Variants in HYDIN observed in about 807,000 individuals in gnomAD.
HYDIN encodes HYDIN axonemal central pair apparatus protein, also known as axonemal central pair apparatus protein HYDIN.
Under a neutral mutation model 403.9 loss-of-function variants are expected in HYDIN, and 132 were observed. The observed-to-expected ratio is 0.33, with a 90% CI of 0.28 to 0.38. The LOEUF (loss-of-function observed/expected upper bound fraction) is 0.38, where lower values mean the gene tolerates loss of function less well. Ranked by LOEUF, HYDIN falls within the 10% of genes least tolerant of loss-of-function variation. The probability of loss-of-function intolerance (pLI) is 1.00; values close to 1 mark genes in which losing one functional copy is unlikely to be tolerated. For missense variants in HYDIN, 2,827 were observed against 5,009.5 expected (o/e 0.56, Z 13.15); for synonymous variants, 1,202 against 1,891.7 (o/e 0.64, Z 9.46).
At chr16:71,189,059 T>C (rs1472961982) in intron 1 of HYDIN, among the ~76,000 whole-genome samples, 1 of 152,214 alleles carries the variant, frequency 6.6e-6, no homozygotes, top group African/African-American at 2.4e-5. Context: ...ACATTATCCT[T>C]TTTGATTATA....
At chr16:71,051,706 G>A (rs543760349) in intron 18 of HYDIN, among the ~76,000 whole-genome samples, 5 of 151,434 alleles carry the variant, frequency 3.3e-5, no homozygotes, top group African/African-American at 9.7e-5. Flanking sequence ...TCATTAATGT[G>A]AGGAATAACA....
intron 84 of HYDIN, among the ~76,000 whole-genome samples, chr16:70,812,865 C>A (rs2035592800): frequency 6.6e-6 from 1 of 152,140 alleles, no homozygotes; most frequent in African/African-American, 2.4e-5. Context: ...CATATGATAC[C>A]AGGGGCTGAC....
At chr16:71,069,218 T>C (rs1203900738) in intron 14 of HYDIN, 49 bp downstream of exon 14, 1 of 1,500,580 alleles carries the variant, frequency 6.7e-7, no homozygotes, top group Non-Finnish European at 9.0e-7. Context: ...ATGACTATTT[T>C]GAAGGCTCAG....
At chr16:71,219,967 G>GT (rs2144755411) in intron 1 of HYDIN, among the ~76,000 whole-genome samples, 1 of 152,266 alleles carries the variant, frequency 6.6e-6, no homozygotes, top group South Asian at 2.1e-4. Context: ...GTGGTTCAGC[G>GT]TATTTCGGTC....
chr16:71,078,757 C>T (rs150641252), intron 13 of HYDIN, among the ~76,000 whole-genome samples: 18 of 152,320 alleles, frequency 1.2e-4, no homozygotes, highest in Admixed American at 5.9e-4. Flanking sequence ...CCTCCCGCCT[C>T]GCCCTCCCAA....
intron 3 of HYDIN, among the ~76,000 whole-genome samples, chr16:71,181,059 G>A (rs1597967000): frequency 6.6e-6 from 1 of 151,936 alleles, no homozygotes; most frequent in East Asian, 1.9e-4. Flanking sequence ...ATTGTTTTAA[G>A]GAATTAAGGA....
At chr16:70,856,794 G>A (rs933372050) in intron 72 of HYDIN, among the ~76,000 whole-genome samples, 2 of 152,138 alleles carry the variant, frequency 1.3e-5, no homozygotes, top group African/African-American at 2.4e-5. Flanking sequence ...TATGTGTATC[G>A]GTAAAATACA....
chr16:71,199,600 G>T (rs2087883141), intron 1 of HYDIN, among the ~76,000 whole-genome samples: 1 of 152,140 alleles, frequency 6.6e-6, no homozygotes, highest in Admixed American at 6.5e-5. Flanking sequence ...GCCTTCTAAA[G>T]CCTTGAAGCA....
At chr16:70,921,690 C>A (rs1231099171) in intron 45 of HYDIN, among the ~76,000 whole-genome samples, 3 of 152,112 alleles carry the variant, frequency 2.0e-5, no homozygotes, top group African/African-American at 7.2e-5. Flanking sequence ...ACATTAATAC[C>A]TACTCCAGAG....
chr16:71,121,859 T>C (rs1172706121), intron 9 of HYDIN, among the ~76,000 whole-genome samples: 3 of 151,940 alleles, frequency 2.0e-5, no homozygotes, highest in African/African-American at 4.8e-5. Flanking sequence ...AACAGAAAAA[T>C]AGAAGCTAAA....
intron 13 of HYDIN, among the ~76,000 whole-genome samples, chr16:71,074,424 T>A (rs1286057614): frequency 1.3e-5 from 2 of 151,422 alleles, no homozygotes; most frequent in Non-Finnish European, 2.9e-5. Context: ...GGCTCACACC[T>A]GTAATCCCAG....
At chr16:71,057,729 T>A (rs1367320316) in intron 18 of HYDIN, among the ~76,000 whole-genome samples, 2 of 150,700 alleles carry the variant, frequency 1.3e-5, no homozygotes, top group Non-Finnish European at 3.0e-5. Context: ...GAATCTACAA[T>A]GAACTCAAAC....
chr16:70,909,282 C>G (rs192568156), intron 47 of HYDIN, among the ~76,000 whole-genome samples: 1 of 152,256 alleles, frequency 6.6e-6, no homozygotes, highest in Admixed American at 6.5e-5. Flanking sequence ...AAAAGAAAAT[C>G]TTACTGTTTT....
rs537135495 is a variant in HYDIN at position 71,225,509 on chromosome 16, T to G, written c.-24+5053A>C. On this transcript the variant is annotated intron_variant, in intron 1 of 85. Coordinates refer to ENST00000393567, the MANE Select transcript of HYDIN (RefSeq NM_001270974.2). ...GATTGACCACTCTGGCATTTAGTCT[T>G]TCCTTCTTTTTTTGGAATCCCAACC... Among the ~76,000 whole-genome samples the G allele has an allele frequency of 2.0e-5, 3 of 152,364 alleles. No individual in the cohort carries two copies. The South Asian group carries it at 6.2e-4, about 32-fold the overall frequency.
chr16:70,976,866 A>G (rs1279239440), intron 30 of HYDIN, among the ~76,000 whole-genome samples: 1 of 152,068 alleles, frequency 6.6e-6, no homozygotes, highest in Non-Finnish European at 1.5e-5. Context: ...CCCAGCAGGG[A>G]AGGTTAATGT....
At chr16:70,817,392 A>G (rs1350048026) in intron 84 of HYDIN, 2 of 151,778 alleles carry the variant, frequency 1.3e-5, no homozygotes, top group Non-Finnish European at 2.9e-5. Flanking sequence ...ATCCATGGCC[A>G]CATTTTTCAG....
chr16:71,105,958 T>C (rs1217941918), intron 10 of HYDIN, among the ~76,000 whole-genome samples: 6 of 144,756 alleles, frequency 4.1e-5, no homozygotes, highest in Non-Finnish European at 9.1e-5. Flanking sequence ...ACAGAATGAC[T>C]TAAAATGCAG....
At chr16:71,158,193 A>C (rs1040278080) in intron 6 of HYDIN, among the ~76,000 whole-genome samples, 9 of 152,220 alleles carry the variant, frequency 5.9e-5, no homozygotes, top group African/African-American at 1.9e-4. Context: ...TGTTTGCACG[A>C]ATCCAGGTTT....
intron 18 of HYDIN, among the ~76,000 whole-genome samples, chr16:71,041,203 T>C (rs2081276215): frequency 1.3e-5 from 2 of 149,144 alleles, no homozygotes; most frequent in African/African-American, 2.5e-5. Flanking sequence ...TATTTTTTCA[T>C]CTGTCAGACT....
Sources: allele counts gnomAD v4.1 joint callset (sites outside exome capture counted in the v4.1 genomes callset), GRCh38; gene constraint gnomAD v4.1.1; transcripts MANE v1.5; gene names NCBI Gene and HGNC (gene_info 2026-07-23, HGNC 2026-07-21).